Variants in IL1RAPL2 observed in about 807,000 individuals in gnomAD.
IL1RAPL2 encodes the protein X-linked interleukin-1 receptor accessory protein-like 2.
A neutral mutation model predicts 44.1 loss-of-function variants in IL1RAPL2; 3 were observed. That is an observed-to-expected ratio of 0.07 (90% CI 0.03 to 0.18). The LOEUF is 0.18. IL1RAPL2 is among the 10% of genes least tolerant of loss of function. The pLI is 1.00. For synonymous variants in IL1RAPL2, 181 were observed against 178.8 expected (o/e 1.01, Z -0.10); for missense variants, 391 against 496.4 (o/e 0.79, Z 2.02).
intron 2 of IL1RAPL2, among the ~76,000 whole-genome samples, chrX:105,136,273 CA>C: frequency 8.9e-6 from 1 of 111,869 alleles, no homozygotes; most frequent in Non-Finnish European, 1.9e-5. Flanking sequence ...TATTTTTCTG[CA>C]TCCAACTGCT....
At chrX:105,345,010 T>C (rs1352705423) in intron 5 of IL1RAPL2, among the ~76,000 whole-genome samples, 1 of 111,919 alleles carries the variant, frequency 8.9e-6, no homozygotes, top group Non-Finnish European at 1.9e-5. Flanking sequence ...TTTTGCTTCA[T>C]TGAACATTGC....
At chrX:104,592,145 ATGTGTGTGTGTGTGTGTG>A (rs35940205) in intron 1 of IL1RAPL2, among the ~76,000 whole-genome samples, 58 of 60,219 alleles carry the variant, frequency 9.6e-4, no homozygotes, top group Non-Finnish European at 1.3e-3. Flanking sequence ...ATGCCCGTAT[ATGTGTGTGTGTGTGTGTG>A]TGTGTGTGTG....
At chrX:104,870,493 A>T (rs1461065500) in intron 2 of IL1RAPL2, among the ~76,000 whole-genome samples, 1 of 112,591 alleles carries the variant, frequency 8.9e-6, no homozygotes, top group Non-Finnish European at 1.9e-5. Context: ...TGGATGAGGC[A>T]ACCAAGAATC....
chrX:105,395,622 A>G (rs2035556503), intron 5 of IL1RAPL2, among the ~76,000 whole-genome samples: 1 of 111,142 alleles, frequency 9.0e-6, no homozygotes, highest in Non-Finnish European at 1.9e-5. Context: ...GTAGGGAAAT[A>G]AAAGATGTGG....
intron 6 of IL1RAPL2, among the ~76,000 whole-genome samples, chrX:105,544,607 T>C (rs1309730209): frequency 9.0e-6 from 1 of 111,680 alleles, no homozygotes; most frequent in African/African-American, 3.3e-5. Flanking sequence ...GGTGTCACTC[T>C]TGTAAACAGC....
intron 2 of IL1RAPL2, among the ~76,000 whole-genome samples, chrX:104,679,646 G>C (rs780260322): frequency 6.3e-5 from 7 of 111,615 alleles, no homozygotes; most frequent in African/African-American, 2.0e-4. Context: ...GTATCATCAG[G>C]CTTCTTGGAT....
chrX:105,715,845 G>T (rs2147552311), intron 6 of IL1RAPL2, among the ~76,000 whole-genome samples: 1 of 111,590 alleles, frequency 9.0e-6, no homozygotes, highest in East Asian at 2.8e-4. Context: ...ATGAATCCAA[G>T]GAAACATTTA....
At chrX:105,113,771 T>A (rs969824185) in intron 2 of IL1RAPL2, among the ~76,000 whole-genome samples, 3 of 112,320 alleles carry the variant, frequency 2.7e-5, no homozygotes, top group Non-Finnish European at 5.6e-5. Context: ...TTTTCAGTTA[T>A]TGCTGTTGCT....
At chrX:104,893,306 T>C (rs930832421) in intron 2 of IL1RAPL2, among the ~76,000 whole-genome samples, 2 of 111,876 alleles carry the variant, frequency 1.8e-5, no homozygotes, top group African/African-American at 6.5e-5. Context: ...GTCTATTAGG[T>C]CCACTTGGTG....
In IL1RAPL2 at chrX:104,566,815, G is replaced by T. The variant is rs1020067326; in HGVS notation, c.-256G>T. On this transcript the variant is annotated 5_prime_UTR_variant, in exon 1 of 11. Transcript: ENST00000372582. The stretch of plus-strand genomic sequence containing the variant: ...TGAACTCTAGAAATCTTCCCTGGCT[G>T]GGGGGAAGTTTACTAGTATCCTCTT... 1 of 112,995 alleles carries T rather than the reference G, an allele frequency of 8.8e-6. No individual in the cohort carries two copies. Among genetic ancestry groups the T allele is most frequent in the Non-Finnish European group, 1.9e-5 (1 of 53,437 alleles). The allele number at this position is 112,995 out of a possible 1,213,427, so 9.3% of individuals were successfully genotyped here.
At chrX:105,167,786 A>G (rs7884167) in intron 2 of IL1RAPL2, among the ~76,000 whole-genome samples, 15,758 of 110,137 alleles carry the variant, frequency 0.14, 2,798 homozygotes, top group African/African-American at 0.5. Flanking sequence ...ATTTTATTAT[A>G]GTTGTTATTA....
rs868408082 is a variant in IL1RAPL2 at position 104,733,648 on chromosome X, G to A, written c.82+74653G>A. ...AATAATAATAATAATAATAATAATA[G>A]TAATAATAATAATCATGCAAACTGT... On this transcript the variant is annotated intron_variant, in intron 2 of 10. Coordinates refer to ENST00000372582, the MANE Select transcript of IL1RAPL2 (RefSeq NM_017416.2). Among the ~76,000 whole-genome samples, 126 of 63,337 alleles carry A rather than the reference G, an allele frequency of 2.0e-3. 1 individual carries two copies. Among genetic ancestry groups the A allele is most frequent in the Admixed American group, 0.011 (74 of 6,580 alleles). The allele number at this position is 63,337 out of a possible 115,157, so 55.0% of individuals were successfully genotyped here. A position where few individuals can be genotyped will look rare whatever the true frequency, so the allele number is the denominator to read the frequency against.
At chrX:105,252,087 A>G (rs764687347) in intron 4 of IL1RAPL2, among the ~76,000 whole-genome samples, 1 of 111,067 alleles carries the variant, frequency 9.0e-6, no homozygotes, top group East Asian at 2.8e-4. Flanking sequence ...TTTGTATTCA[A>G]TCCTCTCGTC....
chrX:105,042,997 A>G (rs1445313193), intron 2 of IL1RAPL2, among the ~76,000 whole-genome samples: 1 of 101,491 alleles, frequency 9.9e-6, no homozygotes. Flanking sequence ...CAAACACCGC[A>G]TATTCTCACT....
chrX:105,120,316 G>A, intron 2 of IL1RAPL2, among the ~76,000 whole-genome samples: 1 of 109,691 alleles, frequency 9.1e-6, no homozygotes, highest in Non-Finnish European at 1.9e-5. Flanking sequence ...TGGGTGGAAA[G>A]AGAAGAATTA....
chrX:105,121,677 T>A (rs2032926664), intron 2 of IL1RAPL2, among the ~76,000 whole-genome samples: 1 of 111,503 alleles, frequency 9.0e-6, no homozygotes, highest in African/African-American at 3.3e-5. Context: ...TGTTTTGTTC[T>A]AAATTCAAGT....
At chrX:105,098,259 C>T (rs1304319948) in intron 2 of IL1RAPL2, among the ~76,000 whole-genome samples, 1 of 111,628 alleles carries the variant, frequency 9.0e-6, no homozygotes, top group Non-Finnish European at 1.9e-5. Flanking sequence ...CTTGTACTTT[C>T]TAGGCAGGAT....
At chrX:105,365,143 A>G (rs1052082389) in intron 5 of IL1RAPL2, among the ~76,000 whole-genome samples, 1 of 111,653 alleles carries the variant, frequency 9.0e-6, no homozygotes, top group Non-Finnish European at 1.9e-5. Flanking sequence ...CTTTTTCTGC[A>G]TCTATTGAGA....
intron 2 of IL1RAPL2, among the ~76,000 whole-genome samples, chrX:104,811,361 G>C (rs370765209): frequency 1.3e-4 from 14 of 111,648 alleles, no homozygotes; most frequent in South Asian, 7.4e-4. Flanking sequence ...TGGTGATTAC[G>C]GAAGCCAGAG....
Sources: gnomAD v4.1 joint callset for allele counts (sites outside exome capture counted in the v4.1 genomes callset) on GRCh38, gnomAD v4.1.1 for gene constraint, MANE v1.5 for transcripts, NCBI Gene and HGNC (gene_info 2026-07-23, HGNC 2026-07-21) for gene names.